NDUFA13: variants seen among roughly 807,000 people sequenced by gnomAD.
NDUFA13 encodes the protein NADH dehydrogenase [ubiquinone] 1 alpha subcomplex subunit 13.
Under a neutral mutation model 17.0 loss-of-function variants are expected in NDUFA13, and 16 were observed. That is an observed-to-expected ratio of 0.94 (90% CI 0.64 to 1.43). The LOEUF (loss-of-function observed/expected upper bound fraction) is 1.43. NDUFA13 is among the 40% of genes most tolerant of loss of function. NDUFA13 has a pLI of 0.00. For synonymous variants in NDUFA13, 87 were observed against 78.4 expected (o/e 1.11, Z -0.58); for missense variants, 228 against 206.7 (o/e 1.10, Z -0.63).
rs966719462 is a variant in NDUFA13, at chr19:19,527,311, C to T, written c.204C>T (p.Arg68=). Residue 68 remains arginine, a synonymous_variant, in exon 3 of 5, where the codon CGC becomes CGT. Transcript: ENST00000507754. ...TACAAATCGAGGACTTCGAGGCTCG[C>T]ATCGCGCTGTTGCCACTGTTACAGG... is the stretch of plus-strand genomic sequence containing the variant. The part of the protein sequence containing the change: ...RRLQIEDFEA[R]IALLPLLQAE... 4 of 1,613,864 alleles carry T rather than the reference C, an allele frequency of 2.5e-6. No individual in the cohort carries two copies. The highest frequency in any genetic ancestry group is 2.7e-5 in the African/African-American group (2 of 74,950).
intron 3 of NDUFA13, 150 bp downstream of exon 3, chr19:19,527,502 G>A: frequency 9.2e-7 from 1 of 1,091,742 alleles, no homozygotes; most frequent in Non-Finnish European, 1.4e-6. Flanking sequence ...AGACTTAGTG[G>A]AGACCCAAGG....
At chr19:19,523,579 C>T (rs948698260) in intron 1 of NDUFA13, among the ~76,000 whole-genome samples, 4 of 152,104 alleles carry the variant, frequency 2.6e-5, no homozygotes, top group Non-Finnish European at 5.9e-5. Context: ...CCACTTCAGC[C>T]ACCCAAGTAG....
At chr19:19,520,324 C>T (rs2061071109) in intron 1 of NDUFA13, among the ~76,000 whole-genome samples, 1 of 152,156 alleles carries the variant, frequency 6.6e-6, no homozygotes, top group Non-Finnish European at 1.5e-5. Context: ...ACACAACTCA[C>T]CCATTTAAAG....
At position 19,527,674 on chromosome 19, in the gene NDUFA13, CCCCCACCATCGGCCCCAT is replaced by C. The variant is rs1331239188; in HGVS notation, c.246-20_246-3del. On this transcript the variant is annotated splice_polypyrimidine_tract_variant and intron_variant, in intron 3 of 4. Coordinates refer to ENST00000507754, the MANE Select transcript of NDUFA13 (RefSeq NM_015965.7). ...GGCCCCTCAGGGCACTGAGGCCCCA[CCCCCACCATCGGCCCCAT>C]CCCCACAGGACCTTGCAGATGCTTC... 1 of 1,540,628 alleles carries C rather than the reference CCCCCACCATCGGCCCCAT, an allele frequency of 6.5e-7. No homozygotes were observed. Among genetic ancestry groups the C allele is most frequent in the Admixed American group, 2.0e-5 (1 of 50,992 alleles).
intron 1 of NDUFA13, among the ~76,000 whole-genome samples, chr19:19,518,213 ATTTTTCT>A: frequency 6.6e-6 from 1 of 150,876 alleles, no homozygotes; most frequent in Middle Eastern, 3.5e-3. Context: ...CTATTTCCTC[ATTTTTCT>A]TTTTTCTTTT....
intron 4 of NDUFA13, 107 bp downstream of exon 4, chr19:19,527,877 T>TGGGTGCC (rs973366562): frequency 6.8e-7 from 1 of 1,473,568 alleles, no homozygotes; most frequent in African/African-American, 1.4e-5. Flanking sequence ...AAGGGGGTGG[T>TGGGTGCC]GGGTGCCAGG....
rs767445474 is a variant in NDUFA13, at chr19:19,526,055, C to T, written c.95-127C>T. ...CCCTGGCATGGGGGCAGAGGTGTCA[C>T]AGTCCAAGCAGCCTCACTCCTGAGA... On this transcript the variant is annotated intron_variant, in intron 1 of 4. Transcript: ENST00000507754. 2.0e-6 allele frequency: 3 copies of T among 1,531,134 alleles called. 1 individual carries two copies. The South Asian group carries it at 3.6e-5, about 18-fold the overall frequency. 94.8% of individuals were successfully genotyped at this position (1,531,134 alleles called of 1,614,324 possible).
chr19:19,517,995 C>G (rs2061058023), intron 1 of NDUFA13, among the ~76,000 whole-genome samples: 1 of 151,686 alleles, frequency 6.6e-6, no homozygotes, highest in South Asian at 2.1e-4. Flanking sequence ...AACAGATTGC[C>G]TGTGAGCCAG....
chr19:19,525,452 C>T (rs946019981), intron 1 of NDUFA13, among the ~76,000 whole-genome samples: 6 of 152,226 alleles, frequency 3.9e-5, no homozygotes, highest in African/African-American at 1.4e-4. Flanking sequence ...ACCTGCTGGT[C>T]ATTTCCTGGG....
intron 1 of NDUFA13, among the ~76,000 whole-genome samples, chr19:19,522,477 CTT>C (rs3067694): frequency 6.3e-5 from 6 of 95,024 alleles, no homozygotes; most frequent in Admixed American, 1.3e-4. Flanking sequence ...GTCTTTGATC[CTT>C]TTTTTTTTTT....
chr19:19,521,046 C>A (rs2061074908), intron 1 of NDUFA13, among the ~76,000 whole-genome samples: 1 of 152,140 alleles, frequency 6.6e-6, no homozygotes, highest in African/African-American at 2.4e-5. Context: ...TGTGAACTTT[C>A]CCCTAAGAGA....
intron 1 of NDUFA13, among the ~76,000 whole-genome samples, chr19:19,518,570 GTT>G (rs71170692): frequency 1.7e-5 from 2 of 120,352 alleles, no homozygotes; most frequent in Admixed American, 8.7e-5. Flanking sequence ...TTGTGTGTGT[GTT>G]TTTTTTTTTT....
chr19:19,526,819 G>A (rs1600349908), intron 2 of NDUFA13: 3 of 290,124 alleles, frequency 1.0e-5, no homozygotes, highest in East Asian at 9.4e-5. Flanking sequence ...TGGGAGATGG[G>A]GGTCATTGCA....
intron 1 of NDUFA13, among the ~76,000 whole-genome samples, chr19:19,525,860 G>A (rs1411113095): frequency 2.6e-5 from 4 of 152,150 alleles, no homozygotes; most frequent in Admixed American, 2.0e-4. Flanking sequence ...CCAGGTGGCC[G>A]GGAGCCACCA....
intron 1 of NDUFA13, among the ~76,000 whole-genome samples, chr19:19,525,305 G>A (rs1568359627): frequency 1.3e-5 from 2 of 152,358 alleles, no homozygotes; most frequent in East Asian, 3.9e-4. Context: ...AGGTGCCCCC[G>A]TGAGCTCCAT....
chr19:19,527,403 GCTGCAGGGCCTGA>G lies in NDUFA13; in HGVS notation c.245+53_245+65del, dbSNP rs1568360444. On this transcript the variant is annotated intron_variant, in intron 3 of 4. Transcript: ENST00000507754. The stretch of plus-strand genomic sequence containing the variant: ...GAGGTCACTGGCCGGAAGGCCCCAG[GCTGCAGGGCCTGA>G]CCTGCATCCCCGAAGGTGGCCAGAA... 6 of 1,599,674 alleles carry G rather than the reference GCTGCAGGGCCTGA, an allele frequency of 3.8e-6. No individual in the cohort carries two copies. In the Middle Eastern group the frequency reaches 4.9e-4, roughly 132 times the overall value.
chr19:19,528,009 G>T lies in NDUFA13; in HGVS notation c.318G>T (p.Val106=), dbSNP rs1267021662. Residue 106 remains valine (V), a splice_region_variant and synonymous_variant, in exon 5 of 5, where the codon GTG becomes GTT. Transcript: ENST00000507754. ...IIMKDVPDWK[V]GESVFHTTRW... is the part of the protein sequence containing the mutation. ...CCCATACCCCACTGTCCCCACAGGTGGGGGAGTCTGTGTTCCACACAACCC... is the reference window on the plus strand; with the variant it reads ...CCCATACCCCACTGTCCCCACAGGTTGGGGAGTCTGTGTTCCACACAACCC... The T allele has an allele frequency of 3.1e-6, 5 of 1,612,584 alleles. No individual in the cohort carries two copies. Among genetic ancestry groups the T allele is most frequent in the Middle Eastern group, 1.8e-4 (1 of 5,582 alleles).
intron 1 of NDUFA13, among the ~76,000 whole-genome samples, chr19:19,518,033 T>G (rs764990570): frequency 6.6e-6 from 1 of 151,332 alleles, no homozygotes; most frequent in East Asian, 2.0e-4. Flanking sequence ...TCCCCACACT[T>G]TGGGAGGCTG....
chr19:19,520,476 A>G (rs1600345152), intron 1 of NDUFA13, among the ~76,000 whole-genome samples: 1 of 152,220 alleles, frequency 6.6e-6, no homozygotes, highest in African/African-American at 2.4e-5. Context: ...CTAAAAATAC[A>G]AAAGTTAGTC....
Sources: gnomAD v4.1 joint callset for allele counts (sites outside exome capture counted in the v4.1 genomes callset) on GRCh38, gnomAD v4.1.1 for gene constraint, MANE v1.5 for transcripts, NCBI Gene and HGNC (gene_info 2026-07-23, HGNC 2026-07-21) for gene names.